SEMA3E: variants seen among roughly 807,000 people sequenced by gnomAD.
SEMA3E encodes the protein semaphorin 3E, also known as semaphorin-3E.
A neutral mutation model predicts 93.6 loss-of-function variants in SEMA3E; 49 were observed. The observed-to-expected ratio is 0.52, with a 90% CI of 0.42 to 0.66. The LOEUF is 0.66. Ranked by LOEUF, SEMA3E falls within the 30% of genes least tolerant of loss-of-function variation. The pLI is 0.00. For missense variants in SEMA3E, 906 were observed against 964.8 expected, an observed-to-expected ratio of 0.94 and a Z score of 0.81; for synonymous variants, 363 against 330.7, an observed-to-expected ratio of 1.10 and a Z score of -1.06.
At chr7:83,386,269 G>A (rs189878105) in intron 15 of SEMA3E, among the ~76,000 whole-genome samples, 1 of 152,172 alleles carries the variant, frequency 6.6e-6, no homozygotes, top group African/African-American at 2.4e-5. Context: ...CTGGAGCACA[G>A]TCTCTGGCTC....
At chr7:83,381,677 C>T (rs916848705) in intron 16 of SEMA3E, among the ~76,000 whole-genome samples, 3 of 151,850 alleles carry the variant, frequency 2.0e-5, no homozygotes, top group Admixed American at 1.3e-4. Context: ...TAAATTCAAA[C>T]AAATGAATAA....
At position 83,367,339 on chromosome 7, in the gene SEMA3E, A is replaced by T; in HGVS notation, c.*247T>A. The T allele has an allele frequency of 2.3e-6, 1 of 442,076 alleles. No individual in the cohort carries two copies. The highest frequency in any genetic ancestry group is 4.0e-6 in the Non-Finnish European group (1 of 247,580). 27.4% of individuals were successfully genotyped at this position (442,076 alleles called of 1,614,324 possible). ...GCCAAGTACTGAAAATAACAGCTAC[A>T]GTTGTTTTTTGATAAACATAATGAG... On this transcript the variant is annotated 3_prime_UTR_variant, in exon 17 of 17. Transcript: ENST00000643230.
chr7:83,460,665 C>CCCGCTTT (rs1584263179), intron 4 of SEMA3E, among the ~76,000 whole-genome samples: 4 of 149,612 alleles, frequency 2.7e-5, no homozygotes, highest in South Asian at 2.2e-4. Flanking sequence ...AACCTCATAT[C>CCCGCTTT]TCTGCGCCCC....
chr7:83,638,458 C>A (rs982353803), intron 1 of SEMA3E, among the ~76,000 whole-genome samples: 4 of 152,174 alleles, frequency 2.6e-5, no homozygotes, highest in African/African-American at 9.7e-5. Flanking sequence ...TAGATGTTTT[C>A]TCATCAGAAC....
intron 2 of SEMA3E, among the ~76,000 whole-genome samples, chr7:83,485,190 C>A (rs1286981279): frequency 6.6e-6 from 1 of 152,128 alleles, no homozygotes; most frequent in Admixed American, 6.6e-5. Flanking sequence ...TGTCCTTTGA[C>A]ATGGAATGGA....
At chr7:83,538,126 C>T (rs1478841017) in intron 1 of SEMA3E, among the ~76,000 whole-genome samples, 1 of 152,076 alleles carries the variant, frequency 6.6e-6, no homozygotes, top group African/African-American at 2.4e-5. Context: ...TGGGATGTTT[C>T]CACCTTTTGG....
intron 16 of SEMA3E, among the ~76,000 whole-genome samples, chr7:83,380,112 T>C (rs955645650): frequency 1.2e-4 from 18 of 151,904 alleles, no homozygotes; most frequent in African/African-American, 4.3e-4. Flanking sequence ...TCTTCTCCTG[T>C]ATTATTGGAA....
Position 83,364,013 on chromosome 7 carries a change from G to A in SEMA3E, c.*3573C>T, listed in dbSNP as rs1416179547. ...GGGTTCACGCCATTCTCCTGCCTCA[G>A]CCTCCCAAGTAGCTGGGACTACAGG... is the stretch of plus-strand genomic sequence containing the variant. On this transcript the variant is annotated 3_prime_UTR_variant, in exon 17 of 17. Transcript: ENST00000643230. 9 of 150,220 alleles carry A rather than the reference G, an allele frequency of 6.0e-5. No individual in the cohort carries two copies. The East Asian group carries it at 1.8e-3, about 29-fold the overall frequency. The allele number at this position is 150,220 out of a possible 1,614,324, so 9.3% of individuals were successfully genotyped here. A position where few individuals can be genotyped will look rare whatever the true frequency, so the allele number is the denominator to read the frequency against.
intron 1 of SEMA3E, among the ~76,000 whole-genome samples, chr7:83,618,429 A>G (rs994353028): frequency 6.6e-6 from 1 of 152,018 alleles, no homozygotes; most frequent in African/African-American, 2.4e-5. Context: ...TATAGCTACT[A>G]CTTCATTCTG....
chr7:83,464,167 G>C (rs1789700610), intron 4 of SEMA3E, among the ~76,000 whole-genome samples: 1 of 151,962 alleles, frequency 6.6e-6, no homozygotes, highest in Admixed American at 6.6e-5. Context: ...TTCAAGAAAA[G>C]TAGAATGGAC....
intron 4 of SEMA3E, among the ~76,000 whole-genome samples, chr7:83,442,928 G>A (rs1789147413): frequency 1.3e-5 from 2 of 152,128 alleles, no homozygotes; most frequent in African/African-American, 2.4e-5. Context: ...GTACATTGTA[G>A]CAACTCTCCT....
At chr7:83,378,492 C>T (rs905564947) in intron 16 of SEMA3E, among the ~76,000 whole-genome samples, 1 of 151,840 alleles carries the variant, frequency 6.6e-6, no homozygotes, top group African/African-American at 2.4e-5. Flanking sequence ...GTGGATCTCT[C>T]TCTTTGTCAT....
intron 1 of SEMA3E, among the ~76,000 whole-genome samples, chr7:83,569,643 C>T (rs971856107): frequency 6.6e-5 from 10 of 152,146 alleles, no homozygotes; most frequent in African/African-American, 1.9e-4. Flanking sequence ...CAAAAAAGGT[C>T]ATTGCATAAC....
At chr7:83,605,180 G>T (rs550143654) in intron 1 of SEMA3E, among the ~76,000 whole-genome samples, 1 of 152,240 alleles carries the variant, frequency 6.6e-6, no homozygotes, top group African/African-American at 2.4e-5. Context: ...TGGTATTTCT[G>T]GTTCTAGGTT....
intron 1 of SEMA3E, among the ~76,000 whole-genome samples, chr7:83,555,561 A>G (rs1164854888): frequency 6.6e-6 from 1 of 152,158 alleles, no homozygotes; most frequent in Non-Finnish European, 1.5e-5. Flanking sequence ...TTCCATGTCT[A>G]CAATGAGGCT....
In SEMA3E at chr7:83,550,977, A is replaced by G. The variant is rs932359459; in HGVS notation, c.116-60703T>C. On this transcript the variant is annotated intron_variant, in intron 1 of 16. Transcript: ENST00000643230. ...AAAGTATAACATAATTAAAACCTCA[A>G]TGAGTTATTTTAGATGCATCAGATT... 8.5e-5 allele frequency among the ~76,000 whole-genome samples: 13 copies of G among 152,292 alleles called. 1 individual carries two copies. Among genetic ancestry groups the G allele is most frequent in the Middle Eastern group, 3.4e-3 (1 of 294 alleles).
chr7:83,633,559 T>G (rs931737931), intron 1 of SEMA3E, among the ~76,000 whole-genome samples: 5 of 152,122 alleles, frequency 3.3e-5, no homozygotes, highest in Admixed American at 1.3e-4. Context: ...AATTTATATG[T>G]TTTTTTAAAC....
intron 1 of SEMA3E, among the ~76,000 whole-genome samples, chr7:83,637,922 C>A (rs1236399539): frequency 6.6e-6 from 1 of 151,154 alleles, no homozygotes; most frequent in African/African-American, 2.4e-5. Flanking sequence ...TTGTTGTATT[C>A]TGTCCCTTGA....
intron 1 of SEMA3E, among the ~76,000 whole-genome samples, chr7:83,566,425 A>G (rs1486598301): frequency 6.6e-6 from 1 of 152,042 alleles, no homozygotes. Context: ...TTCTATTTTC[A>G]TATGTGAGAT....
Sources: gnomAD v4.1 joint callset for allele counts (sites outside exome capture counted in the v4.1 genomes callset) on GRCh38, gnomAD v4.1.1 for gene constraint, MANE v1.5 for transcripts, NCBI Gene and HGNC (gene_info 2026-07-23, HGNC 2026-07-21) for gene names.